NKAIN2: variants seen among roughly 807,000 people sequenced by gnomAD.
The protein encoded by NKAIN2 is sodium/potassium transporting ATPase interacting 2, also known as sodium/potassium-transporting ATPase subunit beta-1-interacting protein 2.
A neutral mutation model predicts 32.6 loss-of-function variants in NKAIN2; 14 were observed. That is an observed-to-expected ratio of 0.43 (90% CI 0.28 to 0.67). NKAIN2 has a LOEUF of 0.67. NKAIN2 is among the 30% of genes least tolerant of loss of function. The pLI is 0.17. For missense variants in NKAIN2, 198 were observed against 258.3 expected, an observed-to-expected ratio of 0.77 and a Z score of 1.60; for synonymous variants, 80 against 87.2, an observed-to-expected ratio of 0.92 and a Z score of 0.46.
intron 4 of NKAIN2, among the ~76,000 whole-genome samples, chr6:124,681,497 G>T (rs72975783): frequency 9.2e-4 from 140 of 151,988 alleles, no homozygotes; most frequent in Non-Finnish European, 1.8e-3. Context: ...GTATCATCTT[G>T]GTGTATGATT....
chr6:124,430,621 C>T (rs938542989), intron 3 of NKAIN2, among the ~76,000 whole-genome samples: 2 of 151,662 alleles, frequency 1.3e-5, no homozygotes, highest in African/African-American at 2.4e-5. Flanking sequence ...ATGGTAGCTT[C>T]AGATAGTATT....
At chr6:124,601,862 T>A (rs1331549835) in intron 3 of NKAIN2, among the ~76,000 whole-genome samples, 1 of 151,980 alleles carries the variant, frequency 6.6e-6, no homozygotes, top group South Asian at 2.1e-4. Context: ...CCACTGGGAA[T>A]TTGTGGGCTA....
intron 3 of NKAIN2, among the ~76,000 whole-genome samples, chr6:124,412,687 ACTC>A: frequency 6.6e-6 from 1 of 152,066 alleles, no homozygotes; most frequent in Non-Finnish European, 1.5e-5. Flanking sequence ...GAGAACCACT[ACTC>A]TCTTCAAAGC....
chr6:123,837,257 G>C (rs956455539), intron 1 of NKAIN2, among the ~76,000 whole-genome samples: 1 of 151,732 alleles, frequency 6.6e-6, no homozygotes, highest in African/African-American at 2.4e-5. Flanking sequence ...CATTCTCGGA[G>C]AAAGTGACTT....
chr6:124,727,538 A>T (rs1400875511), intron 4 of NKAIN2, among the ~76,000 whole-genome samples: 1 of 151,830 alleles, frequency 6.6e-6, no homozygotes, highest in African/African-American at 2.4e-5. Flanking sequence ...GGCCTGCCCT[A>T]AAAGAGCTCC....
At chr6:124,079,378 A>T (rs539871719) in intron 1 of NKAIN2, among the ~76,000 whole-genome samples, 2 of 152,278 alleles carry the variant, frequency 1.3e-5, no homozygotes, top group East Asian at 3.9e-4. Context: ...GACAAACTAT[A>T]GCAGAATTGG....
intron 1 of NKAIN2, among the ~76,000 whole-genome samples, chr6:124,204,974 CTAAAAAAAAGCA>C (rs1261092619): frequency 1.2e-5 from 1 of 83,706 alleles, no homozygotes; most frequent in Non-Finnish European, 2.7e-5. Context: ...TCCTCTGCAT[CTAAAAAAAAGCA>C]AAAAAAAAAG....
intron 1 of NKAIN2, among the ~76,000 whole-genome samples, chr6:123,977,080 C>G (rs1474531710): frequency 6.6e-6 from 1 of 152,166 alleles, no homozygotes; most frequent in African/African-American, 2.4e-5. Context: ...TCAGGTGATC[C>G]TCCCAACTAA....
At chr6:124,434,205 A>G (rs1326892736) in intron 3 of NKAIN2, among the ~76,000 whole-genome samples, 1 of 152,206 alleles carries the variant, frequency 6.6e-6, no homozygotes, top group Non-Finnish European at 1.5e-5. Flanking sequence ...CTGAAGTAGA[A>G]AAACATAACT....
chr6:123,857,317 T>G (rs1775594607), intron 1 of NKAIN2, among the ~76,000 whole-genome samples: 2 of 152,074 alleles, frequency 1.3e-5, no homozygotes, highest in South Asian at 4.1e-4. Context: ...CAGGGGCTTT[T>G]CAATGTGTAT....
intron 4 of NKAIN2, among the ~76,000 whole-genome samples, chr6:124,731,617 A>C (rs947380577): frequency 6.7e-6 from 1 of 149,378 alleles, no homozygotes; most frequent in African/African-American, 2.5e-5. Flanking sequence ...CTAGATGACG[A>C]GTTAGTGGGT....
chr6:124,003,984 G>T (rs1779975662), intron 1 of NKAIN2, among the ~76,000 whole-genome samples: 1 of 152,224 alleles, frequency 6.6e-6, no homozygotes, highest in Admixed American at 6.5e-5. Flanking sequence ...AGAGCTAAAA[G>T]TGCACAAAGA....
chr6:123,912,504 C>G (rs186192627), intron 1 of NKAIN2, among the ~76,000 whole-genome samples: 2 of 152,228 alleles, frequency 1.3e-5, no homozygotes, highest in African/African-American at 4.8e-5. Context: ...TGTTAAGATA[C>G]TGAGTTCAAA....
chr6:123,998,777 G>GT (rs1554236104), intron 1 of NKAIN2, among the ~76,000 whole-genome samples: 8 of 134,320 alleles, frequency 6.0e-5, no homozygotes, highest in South Asian at 2.5e-4. Flanking sequence ...GTGTGTGTGT[G>GT]GAAAATATAT....
chr6:123,970,533 T>C (rs574058324), intron 1 of NKAIN2, among the ~76,000 whole-genome samples: 21 of 152,324 alleles, frequency 1.4e-4, no homozygotes, highest in African/African-American at 5.0e-4. Flanking sequence ...TTTAGCTTTC[T>C]GACTTGAAAG....
At chr6:124,242,055 G>T (rs1463646172) in intron 1 of NKAIN2, among the ~76,000 whole-genome samples, 1 of 151,612 alleles carries the variant, frequency 6.6e-6, no homozygotes. Context: ...GACAAATGGG[G>T]TCTAATTAAA....
chr6:124,399,785 T>G (rs1376469941), intron 3 of NKAIN2, among the ~76,000 whole-genome samples: 1 of 152,218 alleles, frequency 6.6e-6, no homozygotes, highest in African/African-American at 2.4e-5. Context: ...TTATAAAAAT[T>G]GTTCCTGACA....
chr6:124,415,471 A>G (rs1774422552), intron 3 of NKAIN2, among the ~76,000 whole-genome samples: 1 of 152,216 alleles, frequency 6.6e-6, no homozygotes, highest in Non-Finnish European at 1.5e-5. Flanking sequence ...AGGAACCCAC[A>G]TGCGTTCAGC....
At chr6:124,669,446 A>T (rs1272954667) in intron 4 of NKAIN2, among the ~76,000 whole-genome samples, 1 of 152,078 alleles carries the variant, frequency 6.6e-6, no homozygotes, top group Non-Finnish European at 1.5e-5. Flanking sequence ...GGATAAGGTA[A>T]AAAAGAGCCA....
Sources: allele counts gnomAD v4.1 joint callset (sites outside exome capture counted in the v4.1 genomes callset), GRCh38; gene constraint gnomAD v4.1.1; transcripts MANE v1.5; gene names NCBI Gene and HGNC (gene_info 2026-07-23, HGNC 2026-07-21).